Variants in EDEM1 observed in about 807,000 individuals in gnomAD.
The protein encoded by EDEM1 is ER degradation-enhancing alpha-mannosidase-like protein 1.
A neutral mutation model predicts 74.4 loss-of-function variants in EDEM1; 67 were observed. The observed-to-expected ratio is 0.90, with a 90% CI of 0.74 to 1.10. The LOEUF is 1.10. Among genes scored for constraint, EDEM1 ranks in the 50% least tolerant of loss-of-function variants. EDEM1 has a pLI of 0.00. For synonymous variants in EDEM1, 382 were observed against 335.9 expected (o/e 1.14, Z -1.50); for missense variants, 926 against 851.6 (o/e 1.09, Z -1.09).
chr3:5,214,382 G>A (rs1033998380), intron 11 of EDEM1, among the ~76,000 whole-genome samples: 2 of 152,134 alleles, frequency 1.3e-5, no homozygotes, highest in African/African-American at 4.8e-5. Flanking sequence ...GTGCTTTTCC[G>A]TTAATGCCCC....
rs757669295 is a variant in EDEM1, at chr3:5,215,811, T to A, written c.1885-18T>A. The stretch of plus-strand genomic sequence containing the variant: ...CAACATATGAGTTTTTAATTTTCCC[T>A]CGTTTTTGTCTTTCTAGTGCAATCG... On this transcript the variant is annotated intron_variant, in intron 11 of 11. Coordinates refer to ENST00000256497, the MANE Select transcript of EDEM1 (RefSeq NM_014674.3). 1.9e-6 allele frequency: 3 copies of A among 1,609,776 alleles called. No individual in the cohort carries two copies. The East Asian group carries it at 6.7e-5, about 36-fold the overall frequency.
Position 5,196,413 on chromosome 3 carries a change from C to T in EDEM1, c.582+1132C>T, listed in dbSNP as rs1210426816. Among the ~76,000 whole-genome samples the T allele has an allele frequency of 7.2e-5, 11 of 152,192 alleles. No individual in the cohort carries two copies. In the East Asian group the frequency reaches 2.1e-3, roughly 29 times the overall value. On this transcript the variant is annotated intron_variant, in intron 2 of 11. Transcript: ENST00000256497. The stretch of plus-strand genomic sequence containing the variant: ...CAGAGGTTGCAGTCAGCTGAGATTG[C>T]GCCACTGCACTGTAGCCTGGGCAAC...
In EDEM1 at chr3:5,188,305, G is replaced by A; in HGVS notation, c.500G>A (p.Arg167His). ...CACTGCCGCGGCCGTGGGCCCGACC[G>A]CGGGGACCCGTGAGTAGCCCCCGCC... ...PIHCRGRGPD[R>H]GDPSNLNIND... Residue 167 changes from arginine (R) to histidine (H), a missense_variant, in exon 1 of 12, where the codon CGC becomes CAC. Arg to His is a conservative substitution (Grantham distance 29). Coordinates refer to ENST00000256497, the MANE Select transcript of EDEM1 (RefSeq NM_014674.3). 3.3e-6 allele frequency: 5 copies of A among 1,516,398 alleles called. No individual in the cohort carries two copies. The highest frequency in any genetic ancestry group is 1.7e-4 in the Middle Eastern group (1 of 5,788). 93.9% of individuals were successfully genotyped at this position (1,516,398 alleles called of 1,614,324 possible). A position where few individuals can be genotyped will look rare whatever the true frequency, so the allele number is the denominator to read the frequency against.
At position 5,205,136 on chromosome 3, in the gene EDEM1, CCTT is replaced by C. The variant is rs761693877; in HGVS notation, c.1115_1117del (p.Phe372del). The C allele has an allele frequency of 6.2e-7, 1 of 1,614,208 alleles. No individual in the cohort carries two copies. The highest frequency in any genetic ancestry group is 8.5e-7 in the Non-Finnish European group (1 of 1,180,042). On this transcript the variant is annotated inframe_deletion, in exon 6 of 12. Coordinates refer to ENST00000256497, the MANE Select transcript of EDEM1 (RefSeq NM_014674.3). ...AGTGGCCTGGGTGCCGGGCTGGACT[CCTT>C]CTATGAATACCTCTTGAAATCTTAC...
At chr3:5,193,741 G>A (rs918633060) in intron 1 of EDEM1, among the ~76,000 whole-genome samples, 1 of 152,108 alleles carries the variant, frequency 6.6e-6, no homozygotes, top group Admixed American at 6.5e-5. Flanking sequence ...GGGATTACAG[G>A]CGCCTGCCAC....
chr3:5,188,303 C>T lies in EDEM1; in HGVS notation c.498C>T (p.Asp166=), dbSNP rs1559291520. ...NPIHCRGRGP[D]RGDPSNLNIN... is the part of the protein sequence containing the mutation. ...TCCACTGCCGCGGCCGTGGGCCCGA[C>T]CGCGGGGACCCGTGAGTAGCCCCCG... Residue 166 remains aspartate (D), a synonymous_variant, in exon 1 of 12, where the codon GAC becomes GAT. Coordinates refer to ENST00000256497, the MANE Select transcript of EDEM1 (RefSeq NM_014674.3). 1.3e-6 allele frequency: 2 copies of T among 1,516,372 alleles called. No individual in the cohort carries two copies. Among genetic ancestry groups the T allele is most frequent in the Non-Finnish European group, 1.8e-6 (2 of 1,129,148 alleles). The allele number at this position is 1,516,372 out of a possible 1,614,324, so 93.9% of individuals were successfully genotyped here. A position where few individuals can be genotyped will look rare whatever the true frequency, so the allele number is the denominator to read the frequency against.
rs757527194 is a variant in EDEM1, at chr3:5,208,219, C to G, written c.1465C>G (p.Pro489Ala). Residue 489 changes from proline (P) to alanine (A), a missense_variant, in exon 8 of 12, where the codon CCA (proline) becomes GCA (alanine). By Grantham distance (27) the Pro-to-Ala change is conservative. Transcript: ENST00000256497. ...GCAGGCCCCTGACGTTCTCTTCTACCCACTGAGACCAGAGTTAGTGGAATC... is the reference window on the plus strand; with the variant it reads ...GCAGGCCCCTGACGTTCTCTTCTACGCACTGAGACCAGAGTTAGTGGAATC... The part of the protein sequence containing the change: ...QLQAPDVLFY[P>A]LRPELVESTY... The G allele has an allele frequency of 1.2e-6, 2 of 1,613,698 alleles. No homozygotes were observed. The highest frequency in any genetic ancestry group is 1.7e-5 in the Admixed American group (1 of 59,912).
chr3:5,189,932 T>G (rs934956979), intron 1 of EDEM1, among the ~76,000 whole-genome samples: 5 of 152,008 alleles, frequency 3.3e-5, no homozygotes, highest in African/African-American at 9.7e-5. Context: ...ATGAATGAAT[T>G]ATTTGGCTCA....
In EDEM1 at chr3:5,218,123, A is replaced by T. The variant is rs79419566; in HGVS notation, c.*2205A>T. On this transcript the variant is annotated 3_prime_UTR_variant, in exon 12 of 12. Coordinates refer to ENST00000256497, the MANE Select transcript of EDEM1 (RefSeq NM_014674.3). ...CTACACAATGCTGCAGGTGCTTCCC[A>T]GGGGCCACAGGCTGTCAGGAAACGT... 1 of 152,180 alleles carries T rather than the reference A, an allele frequency of 6.6e-6. No homozygotes were observed. Among genetic ancestry groups the T allele is most frequent in the African/African-American group, 2.4e-5 (1 of 41,404 alleles). The allele number at this position is 152,180 out of a possible 1,614,324, so 9.4% of individuals were successfully genotyped here. A position where few individuals can be genotyped will look rare whatever the true frequency, so the allele number is the denominator to read the frequency against.
At chr3:5,200,714 T>C (rs1054340833) in intron 3 of EDEM1, among the ~76,000 whole-genome samples, 4 of 152,166 alleles carry the variant, frequency 2.6e-5, no homozygotes, top group Non-Finnish European at 4.4e-5. Context: ...TACAAGGACT[T>C]AGGTATAAGC....
chr3:5,202,095 T>G (rs1246196400), intron 4 of EDEM1, among the ~76,000 whole-genome samples, 171 bp downstream of exon 4: 2 of 152,254 alleles, frequency 1.3e-5, no homozygotes, highest in Non-Finnish European at 2.9e-5. Flanking sequence ...TAAAATTCAT[T>G]CAGCATTTAC....
At chr3:5,192,161 T>A (rs566847941) in intron 1 of EDEM1, among the ~76,000 whole-genome samples, 27 of 152,360 alleles carry the variant, frequency 1.8e-4, no homozygotes, top group Admixed American at 3.9e-4. Context: ...TTTGCTCAGT[T>A]CTTCTTTTGA....
rs373997176 is a variant in EDEM1, at chr3:5,205,074, C to T, written c.1050C>T (p.Val350=). ...CCTTGTTTATTTTTGCAGGCAATGT[C>T]GTGAACATTCAGACGGGCCACTGGG... ...RSNDTGLLGN[V]VNIQTGHWVG... is the part of the protein sequence containing the mutation. The change falls in exon 6 of 12, where the codon GTC becomes GTT. Residue 350 remains valine, a synonymous_variant. Coordinates refer to ENST00000256497, the MANE Select transcript of EDEM1 (RefSeq NM_014674.3). 1.0e-4 allele frequency: 165 copies of T among 1,613,822 alleles called. 1 individual carries two copies. The Middle Eastern group carries it at 1.2e-3, about 11-fold the overall frequency.
chr3:5,207,051 A>T lies in EDEM1; in HGVS notation c.1218-102A>T, dbSNP rs1229665587. 2.0e-6 allele frequency: 3 copies of T among 1,500,422 alleles called. No individual in the cohort carries two copies. In the African/African-American group the frequency reaches 4.2e-5, roughly 21 times the overall value. The allele number at this position is 1,500,422 out of a possible 1,614,324, so 92.9% of individuals were successfully genotyped here. ...AGGAATGAGTTAGGAGAAAAAATTA[A>T]TGTTAATTCCGTTTAAATGAAACTA... On this transcript the variant is annotated intron_variant, in intron 6 of 11. Coordinates refer to ENST00000256497, the MANE Select transcript of EDEM1 (RefSeq NM_014674.3).
chr3:5,196,468 A>ACC (rs2054968978), intron 2 of EDEM1, among the ~76,000 whole-genome samples: 1 of 151,860 alleles, frequency 6.6e-6, no homozygotes, highest in South Asian at 2.1e-4. Flanking sequence ...GGAGACACAC[A>ACC]CACACACACA....
chr3:5,214,278 C>A (rs936222946), intron 11 of EDEM1, among the ~76,000 whole-genome samples: 8 of 152,144 alleles, frequency 5.3e-5, no homozygotes, highest in Non-Finnish European at 7.4e-5. Context: ...ATCTTGTTAT[C>A]CCCCAGGGCC....
intron 10 of EDEM1, 58 bp downstream of exon 10, chr3:5,211,274 G>T (rs751154047): frequency 6.6e-7 from 1 of 1,514,728 alleles, no homozygotes; most frequent in Non-Finnish European, 9.1e-7. Context: ...GCAAGCATTC[G>T]CATAGTCTTC....
At chr3:5,188,820 C>G (rs1050345408) in intron 1 of EDEM1, among the ~76,000 whole-genome samples, 3 of 152,186 alleles carry the variant, frequency 2.0e-5, no homozygotes, top group Admixed American at 2.0e-4. Context: ...TCTCCAAAGC[C>G]GTCCATTGAG....
intron 3 of EDEM1, among the ~76,000 whole-genome samples, chr3:5,200,016 A>G (rs545707664): frequency 1.3e-5 from 2 of 151,686 alleles, no homozygotes; most frequent in East Asian, 1.9e-4. Context: ...GCTCACTGCA[A>G]TCTCCACCTC....
Sources: gnomAD v4.1 joint callset for allele counts (sites outside exome capture counted in the v4.1 genomes callset) on GRCh38, gnomAD v4.1.1 for gene constraint, MANE v1.5 for transcripts, NCBI Gene and HGNC (gene_info 2026-07-23, HGNC 2026-07-21) for gene names.